PACRG: variants seen among roughly 807,000 people sequenced by gnomAD.
The protein encoded by PACRG is parkin coregulated, also known as parkin coregulated gene protein.
Under a neutral mutation model 29.7 loss-of-function variants are expected in PACRG, and 29 were observed. That is an observed-to-expected ratio of 0.98 (90% CI 0.73 to 1.33). The LOEUF (loss-of-function observed/expected upper bound fraction) is 1.33, where lower values mean the gene tolerates loss of function less well. PACRG is among the 40% of genes most tolerant of loss of function. The pLI is 0.00. For synonymous variants in PACRG, 116 were observed against 118.7 expected (o/e 0.98, Z 0.15); for missense variants, 279 against 316.2 (o/e 0.88, Z 0.89).
chr6:162,980,545 G>A (rs971050032), intron 2 of PACRG, among the ~76,000 whole-genome samples: 1 of 152,048 alleles, frequency 6.6e-6, no homozygotes, highest in Non-Finnish European at 1.5e-5. Flanking sequence ...TGGCTTTTTT[G>A]CTTAGAATTT....
intron 4 of PACRG, among the ~76,000 whole-genome samples, chr6:163,122,183 A>G (rs530014867): frequency 6.6e-6 from 1 of 152,236 alleles, no homozygotes; most frequent in East Asian, 1.9e-4. Context: ...ATGTTTAGAT[A>G]ATATCTTGAG....
At chr6:163,207,240 C>T (rs927839651) in intron 4 of PACRG, among the ~76,000 whole-genome samples, 1 of 152,104 alleles carries the variant, frequency 6.6e-6, no homozygotes, top group Admixed American at 6.6e-5. Flanking sequence ...GATCTGTTCC[C>T]TCATTGTTTT....
intron 3 of PACRG, among the ~76,000 whole-genome samples, chr6:163,062,709 G>C (rs1015750025): frequency 9.9e-5 from 15 of 152,112 alleles, no homozygotes; most frequent in Non-Finnish European, 1.3e-4. Context: ...ATTTGAGGTA[G>C]TACCATTCAT....
chr6:162,867,905 C>T (rs1033058473), intron 2 of PACRG, among the ~76,000 whole-genome samples: 9 of 152,172 alleles, frequency 5.9e-5, no homozygotes, highest in Non-Finnish European at 7.4e-5. Flanking sequence ...TTCTCTATAA[C>T]CCATTACTTT....
At chr6:162,961,043 T>G (rs938286559) in intron 2 of PACRG, among the ~76,000 whole-genome samples, 23 of 150,344 alleles carry the variant, frequency 1.5e-4, no homozygotes, top group African/African-American at 5.6e-4. Flanking sequence ...AGATGAGGAT[T>G]GCATACTTAC....
chr6:163,157,190 C>G (rs1778360521), intron 4 of PACRG, among the ~76,000 whole-genome samples: 1 of 152,200 alleles, frequency 6.6e-6, no homozygotes, highest in Non-Finnish European at 1.5e-5. Flanking sequence ...ATAATGGTCT[C>G]CATCCTCCGT....
chr6:163,189,337 A>T (rs1008296), intron 4 of PACRG: 121,950 of 152,244 alleles, frequency 0.8, 49,076 homozygotes, highest in Non-Finnish European at 0.85. Flanking sequence ...TTTGTTAACA[A>T]GGTGTTTTAA....
At chr6:163,279,516 G>T (rs778506204) in intron 4 of PACRG, among the ~76,000 whole-genome samples, 5 of 152,054 alleles carry the variant, frequency 3.3e-5, no homozygotes, top group African/African-American at 1.2e-4. Flanking sequence ...CCATTTCTAT[G>T]ATTTATTATT....
chr6:163,192,566 G>A (rs1298132721), intron 4 of PACRG, among the ~76,000 whole-genome samples: 2 of 152,150 alleles, frequency 1.3e-5, no homozygotes, highest in Admixed American at 6.5e-5. Context: ...CCATAAAAAT[G>A]TCTATTGCCT....
chr6:163,024,585 A>G (rs1452004843), intron 2 of PACRG, among the ~76,000 whole-genome samples: 1 of 152,176 alleles, frequency 6.6e-6, no homozygotes, highest in African/African-American at 2.4e-5. Flanking sequence ...TATGAATTTT[A>G]GATTTTTTTT....
chr6:163,064,686 G>A (rs1369436218), intron 3 of PACRG, among the ~76,000 whole-genome samples: 1 of 152,142 alleles, frequency 6.6e-6, no homozygotes, highest in Non-Finnish European at 1.5e-5. Context: ...ATTCTGAAAG[G>A]AGGCTAACAG....
At chr6:163,259,535 A>G (rs1783241918) in intron 4 of PACRG, among the ~76,000 whole-genome samples, 1 of 152,110 alleles carries the variant, frequency 6.6e-6, no homozygotes, top group African/African-American at 2.4e-5. Flanking sequence ...CCTGGTGTCC[A>G]TACGGAAGAC....
chr6:163,234,448 T>A (rs1424419504), intron 4 of PACRG, among the ~76,000 whole-genome samples: 1 of 152,180 alleles, frequency 6.6e-6, no homozygotes, highest in Non-Finnish European at 1.5e-5. Flanking sequence ...TCTTCCACAA[T>A]AAATGGAAGC....
intron 4 of PACRG, among the ~76,000 whole-genome samples, chr6:163,278,734 T>C (rs1784136575): frequency 6.6e-6 from 1 of 152,242 alleles, no homozygotes; most frequent in Non-Finnish European, 1.5e-5. Context: ...TTGGTAACTA[T>C]GGCCTTACAT....
At chr6:162,735,577 C>T (rs1281168702) in intron 1 of PACRG, among the ~76,000 whole-genome samples, 1 of 151,884 alleles carries the variant, frequency 6.6e-6, no homozygotes, top group Non-Finnish European at 1.5e-5. Context: ...GACTGTTTTT[C>T]TCTTGGCTTG....
chr6:163,240,779 G>T (rs756818951), intron 4 of PACRG, among the ~76,000 whole-genome samples: 16 of 152,212 alleles, frequency 1.1e-4, no homozygotes, highest in Non-Finnish European at 1.8e-4. Context: ...TGGAGGGAAC[G>T]TGGTCCATTC....
intron 3 of PACRG, among the ~76,000 whole-genome samples, chr6:163,073,069 C>T (rs1356847162): frequency 2.0e-5 from 3 of 152,106 alleles, no homozygotes; most frequent in Non-Finnish European, 4.4e-5. Flanking sequence ...ATAAAAATAC[C>T]TATGACATTC....
At chr6:162,871,912 G>A (rs561075491) in intron 2 of PACRG, among the ~76,000 whole-genome samples, 41 of 149,990 alleles carry the variant, frequency 2.7e-4, no homozygotes, top group African/African-American at 8.3e-4. Context: ...GCCAGACTCC[G>A]TCTCAAAAAA....
At position 162,747,374 on chromosome 6, in the gene PACRG, A is replaced by ATGTATATATATGTATATATATATG. The variant is rs1562556655; in HGVS notation, c.156+18984_156+18985insGTATATATATGTATATATATATGT. On this transcript the variant is annotated intron_variant, in intron 1 of 4. Coordinates refer to ENST00000366888, the MANE Select transcript of PACRG (RefSeq NM_001080379.2). ...TATATATATATATATACACATACATATATATGTATATATATGTATATATAT... is the reference window on the plus strand; with the variant it reads ...TATATATATATATATACACATACATATGTATATATATGTATATATATATGTATATGTATATATATGTATATATAT... Among the ~76,000 whole-genome samples the ATGTATATATATGTATATATATATG allele has an allele frequency of 8.7e-5, 6 of 69,328 alleles. 1 individual carries two copies. Among genetic ancestry groups the ATGTATATATATGTATATATATATG allele is most frequent in the Non-Finnish European group, 1.6e-4 (6 of 37,728 alleles). 45.5% of individuals were successfully genotyped at this position (69,328 alleles called of 152,430 possible). A position where few individuals can be genotyped will look rare whatever the true frequency, so the allele number is the denominator to read the frequency against.
Sources: allele counts gnomAD v4.1 joint callset (sites outside exome capture counted in the v4.1 genomes callset), GRCh38; gene constraint gnomAD v4.1.1; transcripts MANE v1.5; gene names NCBI Gene and HGNC (gene_info 2026-07-23, HGNC 2026-07-21).